Variants in SMARCAL1 observed in about 807,000 individuals in gnomAD.
The protein encoded by SMARCAL1 is ATP-driven annealing helicase.
SMARCAL1 carries 58 observed loss-of-function variants against 94.5 expected under a neutral mutation model. The ratio of observed to expected loss-of-function variants is 0.61; its 90% CI spans 0.50 to 0.76. The LOEUF (loss-of-function observed/expected upper bound fraction) is 0.76. Among genes scored for constraint, SMARCAL1 ranks in the 30% least tolerant of loss-of-function variants. The pLI is 0.00. For missense variants in SMARCAL1, 1,051 were observed against 1,177.9 expected, an observed-to-expected ratio of 0.89 and a Z score of 1.58; for synonymous variants, 422 against 455.1, an observed-to-expected ratio of 0.93 and a Z score of 0.93.
chr2:216,452,368 C>T (rs1694468393), intron 12 of SMARCAL1, among the ~76,000 whole-genome samples: 1 of 152,070 alleles, frequency 6.6e-6, no homozygotes, highest in African/African-American at 2.4e-5. Context: ...TAACTTTCGT[C>T]TACTGGTGAA....
chr2:216,432,818 T>A lies in SMARCAL1; in HGVS notation c.1435T>A (p.Trp479Arg). 6.2e-7 allele frequency: 1 copy of A among 1,613,992 alleles called. No individual in the cohort carries two copies. The highest frequency in any genetic ancestry group is 8.5e-7 in the Non-Finnish European group (1 of 1,180,002). The stretch of plus-strand genomic sequence containing the variant: ...CATCGCAGCCTTTTACCGGAAGGAG[T>A]GGCCGCTCCTGGTGGTGGTGCCATC... ...ICIAAFYRKE[W>R]PLLVVVPSSV... is the part of the protein sequence containing the mutation. Residue 479 changes from tryptophan (W) to arginine (R), a missense_variant, in exon 8 of 18, where the codon TGG becomes AGG. By Grantham distance (101) the Trp-to-Arg change is moderately radical (BLOSUM62 -3). Coordinates refer to ENST00000357276, the MANE Select transcript of SMARCAL1 (RefSeq NM_014140.4).
chr2:216,474,033 T>TAAC (rs1257192028), intron 14 of SMARCAL1, among the ~76,000 whole-genome samples: 2 of 149,562 alleles, frequency 1.3e-5, no homozygotes, highest in Non-Finnish European at 1.5e-5. Flanking sequence ...TTGATACAGG[T>TAAC]AACAACTTGG....
At chr2:216,461,237 T>A (rs1182475861) in intron 12 of SMARCAL1, among the ~76,000 whole-genome samples, 1 of 151,986 alleles carries the variant, frequency 6.6e-6, no homozygotes, top group Non-Finnish European at 1.5e-5. Context: ...CTATACTTTT[T>A]AAAAGTACAA....
intron 17 of SMARCAL1, among the ~76,000 whole-genome samples, chr2:216,478,735 C>A (rs1695140337): frequency 6.6e-6 from 1 of 152,162 alleles, no homozygotes; most frequent in Admixed American, 6.5e-5. Context: ...CTCAGTGTCT[C>A]CCCACTTGAT....
intron 17 of SMARCAL1, among the ~76,000 whole-genome samples, chr2:216,481,720 G>C (rs1695205136): frequency 6.6e-6 from 1 of 151,710 alleles, no homozygotes; most frequent in Non-Finnish European, 1.5e-5. Context: ...GGCCAGGCTG[G>C]TCTCGAACTC....
chr2:216,451,508 A>G (rs953139319), intron 12 of SMARCAL1: 9 of 197,440 alleles, frequency 4.6e-5, no homozygotes, highest in Non-Finnish European at 8.5e-5. Flanking sequence ...ACATTCTTAT[A>G]ACAAAATAGA....
intron 10 of SMARCAL1, among the ~76,000 whole-genome samples, chr2:216,445,956 C>A (rs1251075552): frequency 1.3e-5 from 2 of 152,148 alleles, no homozygotes; most frequent in South Asian, 2.1e-4. Flanking sequence ...TTATTACATG[C>A]AATTGCCTTG....
chr2:216,413,154 G>T (rs934003948), intron 1 of SMARCAL1, among the ~76,000 whole-genome samples: 1 of 142,996 alleles, frequency 7.0e-6, no homozygotes, highest in Non-Finnish European at 1.5e-5. Flanking sequence ...GGTGGGGGAG[G>T]GGGGAGGGGG....
At position 216,475,358 on chromosome 2, in the gene SMARCAL1, T is replaced by C. The variant is rs1172207311; in HGVS notation, c.2334T>C (p.Ala778=). ...CQQFQLSERH[A]VAVLSITAAN... Reference sequence around the variant, plus strand: ...AGTTCCAACTGTCGGAGAGGCATGCTGTGGCCGTGCTGTCCATCACCGCTG... The same window carrying C: ...AGTTCCAACTGTCGGAGAGGCATGCCGTGGCCGTGCTGTCCATCACCGCTG... The change falls in exon 15 of 18, where the codon GCT becomes GCC. Residue 778 remains alanine (A), a synonymous_variant. Transcript: ENST00000357276. The surrounding 1 kb of genome is among the most constrained non-coding windows in gnomAD (Gnocchi z 4.4). 1 of 1,614,100 alleles carries C rather than the reference T, an allele frequency of 6.2e-7. No homozygotes were observed. The highest frequency in any genetic ancestry group is 8.5e-7 in the Non-Finnish European group (1 of 1,180,042).
chr2:216,421,654 A>T (rs1693724828), intron 5 of SMARCAL1, among the ~76,000 whole-genome samples: 1 of 152,168 alleles, frequency 6.6e-6, no homozygotes, highest in South Asian at 2.1e-4. Context: ...AGAAGCAGCT[A>T]TAGATTCTGG....
rs1559120559 is a variant in SMARCAL1, at chr2:216,414,691, A to G, written c.-14A>G. ...TAAAGGTTGACATTCCTGCATAAGC[A>G]TTTCTCTGTGAAAATGTCCTTGCCT... On this transcript the variant is annotated 5_prime_UTR_variant, in exon 3 of 18. Coordinates refer to ENST00000357276, the MANE Select transcript of SMARCAL1 (RefSeq NM_014140.4). The G allele has an allele frequency of 1.4e-5, 23 of 1,611,998 alleles. No individual in the cohort carries two copies. The highest frequency in any genetic ancestry group is 1.9e-5 in the Non-Finnish European group (22 of 1,178,050).
At chr2:216,436,491 C>T (rs1694085826) in intron 9 of SMARCAL1, among the ~76,000 whole-genome samples, 2 of 152,162 alleles carry the variant, frequency 1.3e-5, no homozygotes, top group South Asian at 2.1e-4. Context: ...CGTTACTGAC[C>T]TCAGGGGATC....
At chr2:216,478,623 T>C (rs1695138701) in intron 17 of SMARCAL1, among the ~76,000 whole-genome samples, 1 of 152,182 alleles carries the variant, frequency 6.6e-6, no homozygotes, top group Non-Finnish European at 1.5e-5. Flanking sequence ...ACACCACACA[T>C]AGGGCTGCCA....
intron 7 of SMARCAL1, among the ~76,000 whole-genome samples, chr2:216,431,140 C>G (rs1185999072): frequency 6.6e-6 from 1 of 152,258 alleles, no homozygotes; most frequent in African/African-American, 2.4e-5. Flanking sequence ...GTTGTCCCCA[C>G]ACTCTACTGG....
intron 12 of SMARCAL1, among the ~76,000 whole-genome samples, chr2:216,462,776 A>C (rs1694732685): frequency 6.6e-6 from 1 of 151,972 alleles, no homozygotes; most frequent in Admixed American, 6.6e-5. Flanking sequence ...ACTTGAGCCT[A>C]AGAGTTTGAG....
Position 216,415,024 on chromosome 2 carries a change from C to G in SMARCAL1, c.320C>G (p.Ala107Gly). 6.2e-7 allele frequency: 1 copy of G among 1,614,208 alleles called. No individual in the cohort carries two copies. The highest frequency in any genetic ancestry group is 8.5e-7 in the Non-Finnish European group (1 of 1,180,030). ...IWKKPEEMPT[A>G]CPGHSPRSQM... Reference sequence around the variant, plus strand: ...AAAAAGCCAGAAGAAATGCCCACAGCCTGCCCAGGCCACAGTCCACGTAGT... The same window carrying G: ...AAAAAGCCAGAAGAAATGCCCACAGGCTGCCCAGGCCACAGTCCACGTAGT... The change falls in exon 3 of 18, where the codon GCC becomes GGC. Residue 107 changes from alanine to glycine, a missense_variant. Physicochemically the swap from Ala to Gly is moderately conservative, Grantham distance 60. Transcript: ENST00000357276.
intron 11 of SMARCAL1, 83 bp downstream of exon 11, chr2:216,447,241 A>G (rs958804703): frequency 1.3e-5 from 20 of 1,527,064 alleles, no homozygotes; most frequent in Non-Finnish European, 1.7e-5. Context: ...CTCTCTGGCC[A>G]TGATATGGTC....
intron 17 of SMARCAL1, among the ~76,000 whole-genome samples, chr2:216,480,075 A>G (rs1695164447): frequency 6.6e-6 from 1 of 152,274 alleles, no homozygotes; most frequent in Non-Finnish European, 1.5e-5. Context: ...AAGAAAGCCT[A>G]TTTTTAAAGG....
chr2:216,441,968 C>T (rs1694206631), intron 10 of SMARCAL1, among the ~76,000 whole-genome samples: 1 of 152,142 alleles, frequency 6.6e-6, no homozygotes, highest in African/African-American at 2.4e-5. Flanking sequence ...CCCCTAGAGT[C>T]CTACCATTCT....
Sources: allele counts gnomAD v4.1 joint callset (sites outside exome capture counted in the v4.1 genomes callset), GRCh38; gene constraint gnomAD v4.1.1; non-coding constraint Gnocchi (gnomAD v3.1); transcripts MANE v1.5; gene names NCBI Gene and HGNC (gene_info 2026-07-23, HGNC 2026-07-21).